CARHSP1: variants seen among roughly 807,000 people sequenced by gnomAD.
CARHSP1 encodes the protein calcium-regulated heat-stable protein 1.
In CARHSP1, 14 loss-of-function variants were observed where a neutral mutation model predicts 12.5. The observed-to-expected ratio is 1.12, with a 90% CI of 0.74 to 1.75. The LOEUF is 1.75. CARHSP1 is among the 40% of genes most tolerant of loss of function. The probability of loss-of-function intolerance (pLI) is 0.00; values close to 1 mark genes in which losing one functional copy is unlikely to be tolerated. For missense variants in CARHSP1, 343 were observed against 201.6 expected (o/e 1.70, Z -4.25); for synonymous variants, 161 against 82.0 (o/e 1.96, Z -5.20).
chr16:8,856,388 G>C (rs575315509), intron 3 of CARHSP1, among the ~76,000 whole-genome samples: 2 of 152,296 alleles, frequency 1.3e-5, no homozygotes, highest in South Asian at 4.2e-4. Flanking sequence ...ATCTGGTCAC[G>C]AGGGAGCTCA....
At chr16:8,861,422 C>G (rs530372037) in intron 1 of CARHSP1, among the ~76,000 whole-genome samples, 2 of 151,722 alleles carry the variant, frequency 1.3e-5, no homozygotes, top group African/African-American at 2.4e-5. Flanking sequence ...GTTTGCCCCC[C>G]CAGTCCCCTC....
intron 1 of CARHSP1, among the ~76,000 whole-genome samples, chr16:8,865,825 G>C (rs145814783): frequency 1.1e-3 from 163 of 152,338 alleles, no homozygotes; most frequent in Admixed American, 1.7e-3. Context: ...TTACAGATGA[G>C]GAAACTAAGG....
chr16:8,855,832 C>G (rs74008092), intron 3 of CARHSP1, among the ~76,000 whole-genome samples: 1 of 152,128 alleles, frequency 6.6e-6, no homozygotes, highest in Non-Finnish European at 1.5e-5. Context: ...TCCCAGCCTG[C>G]CTTTTTTTGA....
chr16:8,858,997 C>T (rs2061250192), intron 2 of CARHSP1, 174 bp downstream of exon 2: 2 of 572,788 alleles, frequency 3.5e-6, no homozygotes, highest in South Asian at 2.8e-5. Context: ...GGGCAGTACC[C>T]TGAATTTACA....
At chr16:8,868,009 G>A (rs1567192443) in intron 1 of CARHSP1, 1 of 152,308 alleles carries the variant, frequency 6.6e-6, no homozygotes, top group Non-Finnish European at 1.5e-5. Context: ...CAGAGAGACT[G>A]AGAAATATCA....
intron 2 of CARHSP1, 118 bp downstream of exon 2, chr16:8,859,053 G>C: frequency 1.0e-6 from 1 of 952,684 alleles, no homozygotes; most frequent in Non-Finnish European, 1.5e-6. Flanking sequence ...CCCAGCCCCA[G>C]GTCTGCCTAT....
chr16:8,855,724 G>T (rs2061080431), intron 3 of CARHSP1, among the ~76,000 whole-genome samples: 1 of 152,208 alleles, frequency 6.6e-6, no homozygotes, highest in Non-Finnish European at 1.5e-5. Flanking sequence ...GTTGAGGGGT[G>T]GCCTGGGCAG....
At position 8,859,290 on chromosome 16, in the gene CARHSP1, G is replaced by T; in HGVS notation, c.39C>A (p.Thr13=). 1.9e-6 allele frequency: 3 copies of T among 1,604,146 alleles called. No homozygotes were observed. The South Asian group carries it at 3.3e-5, about 18-fold the overall frequency. The part of the protein sequence containing the change: ...SEPPPPPQPP[T]HQASVGLLDT... ...CCAGCAGCCCGACTGAAGCTTGATG[G>T]GTGGGGGGCTGTGGTGGTGGGGGAG... Residue 13 remains threonine, a synonymous_variant, in exon 2 of 4, where the codon ACC becomes ACA. Transcript: ENST00000311052.
In CARHSP1 at chr16:8,853,318, G is replaced by A. The variant is rs764825039; in HGVS notation, c.*1846C>T. The A allele has an allele frequency of 6.9e-6, 1 of 144,254 alleles. No individual in the cohort carries two copies. The highest frequency in any genetic ancestry group is 2.7e-5 in the African/African-American group (1 of 37,590). 8.9% of individuals were successfully genotyped at this position (144,254 alleles called of 1,614,324 possible). A position where few individuals can be genotyped will look rare whatever the true frequency, so the allele number is the denominator to read the frequency against. On this transcript the variant is annotated 3_prime_UTR_variant, in exon 4 of 4. Transcript: ENST00000311052. ...CAGATGGGCCCTTGGGAAGCCAACA[G>A]GGAACAATTCAAGGCTGGAGAGAAA... is the stretch of plus-strand genomic sequence containing the variant.
rs1428588923 is a variant in CARHSP1 at position 8,854,099 on chromosome 16, G to A, written c.*1065C>T. ...ACTCAGTCTCCCACCCTGCCAAAAAGTTTGCAATGTCGGCAGCAAAGTGCA... is the reference window on the plus strand; with the variant it reads ...ACTCAGTCTCCCACCCTGCCAAAAAATTTGCAATGTCGGCAGCAAAGTGCA... On this transcript the variant is annotated 3_prime_UTR_variant, in exon 4 of 4. Coordinates refer to ENST00000311052, the MANE Select transcript of CARHSP1 (RefSeq NM_014316.4). The A allele has an allele frequency of 1.3e-5, 2 of 151,930 alleles. No homozygotes were observed. Among genetic ancestry groups the A allele is most frequent in the South Asian group, 4.1e-4 (2 of 4,824 alleles). The allele number at this position is 151,930 out of a possible 1,614,324, so 9.4% of individuals were successfully genotyped here.
Position 8,860,454 on chromosome 16 carries a change from G to A in CARHSP1, c.-7-1119C>T, listed in dbSNP as rs947998200. ...CTGTACACAATAATCACTGAACATTGAATATGAAGGTGTCGGCTCTAACGT... is the reference window on the plus strand; with the variant it reads ...CTGTACACAATAATCACTGAACATTAAATATGAAGGTGTCGGCTCTAACGT... On this transcript the variant is annotated intron_variant, in intron 1 of 3. Transcript: ENST00000311052. The A allele has an allele frequency of 7.1e-6, 7 of 985,392 alleles. No homozygotes were observed. In the East Asian group the frequency reaches 8.0e-4, roughly 112 times the overall value. 61.0% of individuals were successfully genotyped at this position (985,392 alleles called of 1,614,324 possible). A position where few individuals can be genotyped will look rare whatever the true frequency, so the allele number is the denominator to read the frequency against.
chr16:8,860,383 T>C (rs1596538095), intron 1 of CARHSP1: 1 of 985,474 alleles, frequency 1.0e-6, no homozygotes, highest in Non-Finnish European at 1.2e-6. Context: ...GGGAATTCCC[T>C]AGCTGCTGCT....
intron 1 of CARHSP1, 103 bp from the exon 2 acceptor site, chr16:8,859,438 C>A (rs1482792377): frequency 2.9e-6 from 3 of 1,035,522 alleles, no homozygotes; most frequent in Admixed American, 2.5e-5. Flanking sequence ...AGGCTCATTC[C>A]TCTCGGGCAC....
chr16:8,861,070 TA>T lies in CARHSP1; in HGVS notation c.-7-1736del, dbSNP rs565725596. Among the ~76,000 whole-genome samples the T allele has an allele frequency of 1.6e-3, 244 of 148,296 alleles. 1 individual carries two copies. The highest frequency in any genetic ancestry group is 5.6e-3 in the African/African-American group (226 of 40,370). ...GTCTCAAAAAAAAATAAATAACTTT[TA>T]TTTTTTTGAGACAGTGTCTCACTGT... On this transcript the variant is annotated intron_variant, in intron 1 of 3. Transcript: ENST00000311052.
chr16:8,866,055 G>A (rs768442007), intron 1 of CARHSP1, among the ~76,000 whole-genome samples: 19 of 152,140 alleles, frequency 1.2e-4, no homozygotes, highest in Non-Finnish European at 2.6e-4. Flanking sequence ...CTGGGCTCAA[G>A]GGATCCTCTC....
chr16:8,858,663 T>G, intron 2 of CARHSP1, 191 bp from the exon 3 acceptor site: 1 of 670,852 alleles, frequency 1.5e-6, no homozygotes, highest in South Asian at 2.2e-5. Flanking sequence ...AAAGGACTCT[T>G]TGGATGACCC....
intron 1 of CARHSP1, chr16:8,866,312 G>A (rs2061453933): frequency 2.2e-6 from 1 of 455,936 alleles, no homozygotes; most frequent in Non-Finnish European, 2.9e-6. Flanking sequence ...GAACACGGCA[G>A]TAGCCGGGCT....
Position 8,855,148 on chromosome 16 carries a change from G to T in CARHSP1, c.*16C>A, listed in dbSNP as rs772063723. The stretch of plus-strand genomic sequence containing the variant: ...GTCTCCCACAAGCACAGGACAAGGG[G>T]TGCTTCCACCATCTCCTAGGAGCTG... On this transcript the variant is annotated 3_prime_UTR_variant, in exon 4 of 4. Coordinates refer to ENST00000311052, the MANE Select transcript of CARHSP1 (RefSeq NM_014316.4). 15 of 1,565,840 alleles carry T rather than the reference G, an allele frequency of 9.6e-6. No individual in the cohort carries two copies. Among genetic ancestry groups the T allele is most frequent in the Admixed American group, 1.8e-5 (1 of 55,716 alleles).
chr16:8,863,140 G>T (rs12935050), intron 1 of CARHSP1, among the ~76,000 whole-genome samples: 29 of 63,492 alleles, frequency 4.6e-4, no homozygotes, highest in African/African-American at 1.3e-3. Flanking sequence ...TTTTTTTTCA[G>T]ATAGGATCTC....
Sources: gnomAD v4.1 joint callset for allele counts (sites outside exome capture counted in the v4.1 genomes callset) on GRCh38, gnomAD v4.1.1 for gene constraint, MANE v1.5 for transcripts, NCBI Gene and HGNC (gene_info 2026-07-23, HGNC 2026-07-21) for gene names.